The following EFCAB11 variants were observed in gnomAD, a reference collection of about 807,000 sequenced individuals.
EFCAB11 encodes the protein EF-hand calcium-binding domain-containing protein 11.
In EFCAB11, 14 loss-of-function variants were observed where a neutral mutation model predicts 23.0. That is an observed-to-expected ratio of 0.61 (90% CI 0.40 to 0.95). EFCAB11 has a LOEUF of 0.95. Ranked by LOEUF, EFCAB11 falls within the 40% of genes least tolerant of loss-of-function variation. The probability of loss-of-function intolerance (pLI) is 0.00; values close to 1 mark genes in which losing one functional copy is unlikely to be tolerated. For missense variants in EFCAB11, 198 were observed against 195.8 expected, an observed-to-expected ratio of 1.01 and a Z score of -0.07; for synonymous variants, 65 against 66.6, an observed-to-expected ratio of 0.98 and a Z score of 0.11.
chr14:89,879,506 C>A (rs1888539276), intron 5 of EFCAB11, among the ~76,000 whole-genome samples: 3 of 151,530 alleles, frequency 2.0e-5, no homozygotes, highest in Non-Finnish European at 2.9e-5. Context: ...CAAAAAAAAA[C>A]ATAAACATGC....
intron 5 of EFCAB11, among the ~76,000 whole-genome samples, chr14:89,927,079 T>A (rs1489429268): frequency 1.4e-5 from 2 of 145,244 alleles, no homozygotes; most frequent in Non-Finnish European, 3.0e-5. Context: ...TTATTTTACA[T>A]TTAGTTCTCA....
chr14:89,934,910 G>A (rs910693362), intron 3 of EFCAB11, among the ~76,000 whole-genome samples: 1 of 152,048 alleles, frequency 6.6e-6, no homozygotes, highest in African/African-American at 2.4e-5. Flanking sequence ...CTTCAGAAAC[G>A]TACCCCAGTC....
chr14:89,919,543 G>T (rs1889958729), intron 5 of EFCAB11, among the ~76,000 whole-genome samples: 1 of 152,138 alleles, frequency 6.6e-6, no homozygotes, highest in Non-Finnish European at 1.5e-5. Flanking sequence ...AATGACAAGA[G>T]TCCAGGATTC....
At chr14:89,944,889 GATCT>G (rs1890913142) in intron 3 of EFCAB11, among the ~76,000 whole-genome samples, 1 of 144,884 alleles carries the variant, frequency 6.9e-6, no homozygotes, top group South Asian at 2.2e-4. Context: ...GATTTTATTA[GATCT>G]AATAATAAAT....
intron 5 of EFCAB11, among the ~76,000 whole-genome samples, chr14:89,903,571 GA>G (rs1440428726): frequency 4.9e-5 from 7 of 141,868 alleles, no homozygotes; most frequent in Admixed American, 1.4e-4. Context: ...GGGTAAAAGA[GA>G]AGGGGGGGGG....
At chr14:89,855,858 C>T (rs536225672) in intron 5 of EFCAB11, among the ~76,000 whole-genome samples, 147 of 152,028 alleles carry the variant, frequency 9.7e-4, no homozygotes, top group Non-Finnish European at 1.4e-3. Flanking sequence ...TTTTAGATTC[C>T]ACATATAAGT....
intron 5 of EFCAB11, among the ~76,000 whole-genome samples, chr14:89,873,196 T>TGGC (rs1888336790): frequency 6.6e-6 from 1 of 152,116 alleles, no homozygotes; most frequent in Admixed American, 6.5e-5. Flanking sequence ...ACATCTTACG[T>TGGC]GGCGGCAGGC....
At chr14:89,950,224 A>G in intron 2 of EFCAB11, 82 bp from the exon 3 acceptor site, 1 of 1,407,052 alleles carries the variant, frequency 7.1e-7, no homozygotes, top group Non-Finnish European at 9.6e-7. Flanking sequence ...AGGTGGGAAT[A>G]AGGATCTATT....
At position 89,953,971 on chromosome 14, in the gene EFCAB11, CT is replaced by C. The variant is rs755457848; in HGVS notation, c.105del (p.Gly36AspfsTer13). 6.2e-7 allele frequency: 1 copy of C among 1,613,514 alleles called. No homozygotes were observed. On this transcript the variant is annotated frameshift_variant, in exon 2 of 6. Transcript: ENST00000316738. LOFTEE classifies it high-confidence loss of function. ...EVFKACDEDH[K>X]GYLSREDFKT... ...TTAAAGTCCTCTCTGCTGAGATATCCTTTGTGATCTTCATCACATGCTTTAA... is the reference window on the plus strand; with the variant it reads ...TTAAAGTCCTCTCTGCTGAGATATCCTTGTGATCTTCATCACATGCTTTAA...
chr14:89,816,697 G>C (rs1448063166), intron 5 of EFCAB11, among the ~76,000 whole-genome samples: 8 of 152,194 alleles, frequency 5.3e-5, no homozygotes, highest in Non-Finnish European at 7.4e-5. Flanking sequence ...TAGTAAACTA[G>C]AAGAGGGTCT....
chr14:89,862,293 A>G (rs2140152001), intron 5 of EFCAB11, among the ~76,000 whole-genome samples: 1 of 152,350 alleles, frequency 6.6e-6, no homozygotes, highest in South Asian at 2.1e-4. Flanking sequence ...CAGTAATAAT[A>G]GAAACAGATA....
intron 5 of EFCAB11, among the ~76,000 whole-genome samples, chr14:89,910,513 A>G (rs575194774): frequency 6.6e-6 from 1 of 152,120 alleles, no homozygotes; most frequent in South Asian, 2.1e-4. Flanking sequence ...CATGAGAATC[A>G]CTCGAACCAG....
Position 89,794,826 on chromosome 14 carries a change from T to C in EFCAB11, c.*2417A>G, listed in dbSNP as rs903664711. ...ATTTATAGAAAAATTGTGAAAATAG[T>C]AGAGGGTTCCCATATACCTCACCCA... On this transcript the variant is annotated 3_prime_UTR_variant, in exon 6 of 6. Transcript: ENST00000316738. The C allele has an allele frequency of 6.6e-6, 1 of 152,144 alleles. No individual in the cohort carries two copies. Among genetic ancestry groups the C allele is most frequent in the Non-Finnish European group, 1.5e-5 (1 of 68,032 alleles). 9.4% of individuals were successfully genotyped at this position (152,144 alleles called of 1,614,324 possible).
rs576447823 is a variant in EFCAB11 at position 89,892,142 on chromosome 14, C to A, written c.410+39399G>T. 3.0e-5 allele frequency: 46 copies of A among 1,558,648 alleles called. 1 individual carries two copies. The Admixed American group carries it at 6.0e-4, about 20-fold the overall frequency. On this transcript the variant is annotated intron_variant, in intron 5 of 5. Coordinates refer to ENST00000316738, the MANE Select transcript of EFCAB11 (RefSeq NM_145231.4). The stretch of plus-strand genomic sequence containing the variant: ...CCAGGAGGTCATGGCCACTCAGGGC[C>A]CGGACAAGGTCATCTTCCTGCTGGT...
At chr14:89,930,527 T>C (rs914488034) in intron 5 of EFCAB11, among the ~76,000 whole-genome samples, 1 of 152,050 alleles carries the variant, frequency 6.6e-6, no homozygotes, top group African/African-American at 2.4e-5. Context: ...AAATAATATA[T>C]ATCCTGAAAA....
intron 5 of EFCAB11, among the ~76,000 whole-genome samples, chr14:89,814,071 GA>G (rs375044305): frequency 6.9e-4 from 85 of 123,620 alleles, no homozygotes; most frequent in Admixed American, 2.0e-3. Flanking sequence ...CCTGGGGGGA[GA>G]AAAAAAAAAC....
intron 5 of EFCAB11, among the ~76,000 whole-genome samples, chr14:89,846,542 T>C (rs1887438381): frequency 1.3e-5 from 2 of 152,188 alleles, no homozygotes; most frequent in South Asian, 2.1e-4. Flanking sequence ...CAACAATTGA[T>C]CTCTGATGGC....
intron 3 of EFCAB11, among the ~76,000 whole-genome samples, chr14:89,947,405 A>C (rs1329404698): frequency 1.3e-5 from 2 of 152,178 alleles, no homozygotes; most frequent in African/African-American, 2.4e-5. Context: ...AAACAAGAAG[A>C]AGCAAACAAA....
At chr14:89,921,072 A>AAAAAAAAAAAAG (rs796207560) in intron 5 of EFCAB11, among the ~76,000 whole-genome samples, 9 of 147,584 alleles carry the variant, frequency 6.1e-5, no homozygotes, top group African/African-American at 2.4e-4. Context: ...CTAAAAAAAA[A>AAAAAAAAAAAAG]AAAAGAAAAG....
Sources: allele counts gnomAD v4.1 joint callset (sites outside exome capture counted in the v4.1 genomes callset), GRCh38; gene constraint gnomAD v4.1.1; transcripts MANE v1.5; gene names NCBI Gene and HGNC (gene_info 2026-07-23, HGNC 2026-07-21).